Variants in IGSF3 observed in about 807,000 individuals in gnomAD.
IGSF3 encodes immunoglobulin superfamily member 3.
In IGSF3, 23 loss-of-function variants were observed where a neutral mutation model predicts 114.4. The observed-to-expected ratio is 0.20, with a 90% CI of 0.14 to 0.28. IGSF3 has a LOEUF of 0.28. Among genes scored for constraint, IGSF3 ranks in the 10% least tolerant of loss-of-function variants. The pLI, the probability that IGSF3 is intolerant of heterozygous loss-of-function variation, is 1.00. For synonymous variants in IGSF3, 571 were observed against 645.2 expected (o/e 0.88, Z 1.74); for missense variants, 1,172 against 1,591.5 (o/e 0.74, Z 4.48).
chr1:116,582,596 G>A lies in IGSF3; in HGVS notation c.2848+2049C>T, dbSNP rs1571114997. On this transcript the variant is annotated intron_variant, in intron 9 of 10. Coordinates refer to ENST00000369486, the MANE Select transcript of IGSF3 (RefSeq NM_001007237.3). This position sits in a 1 kb window ranked among gnomAD's most constrained non-coding sequence, Gnocchi z 4.7. ...TTCCATGTGTTTAACGTATCCCTCC[G>A]AAAAAAATCTTTGAAGTACGTCTGC... Among the ~76,000 whole-genome samples the A allele has an allele frequency of 6.6e-6, 1 of 152,034 alleles. No individual in the cohort carries two copies. The highest frequency in any genetic ancestry group is 1.5e-5 in the Non-Finnish European group (1 of 68,014).
At chr1:116,639,172 G>A (rs1353154923) in intron 2 of IGSF3, among the ~76,000 whole-genome samples, 3 of 152,146 alleles carry the variant, frequency 2.0e-5, no homozygotes, top group Non-Finnish European at 4.4e-5. Context: ...GTCAGGGCAC[G>A]TGCAAAGCCA....
At chr1:116,641,860 T>A (rs950627950) in intron 2 of IGSF3, among the ~76,000 whole-genome samples, 4 of 152,096 alleles carry the variant, frequency 2.6e-5, no homozygotes, top group African/African-American at 7.2e-5. Context: ...TTCTTTTTTT[T>A]TTTTTTGAGA....
chr1:116,635,570 C>T (rs549405759), intron 2 of IGSF3, among the ~76,000 whole-genome samples: 10 of 152,330 alleles, frequency 6.6e-5, no homozygotes, highest in South Asian at 2.1e-4. Flanking sequence ...CCCTACAACA[C>T]GGGGCAGACA....
Position 116,642,966 on chromosome 1 carries a change from C to T in IGSF3, c.43+23318G>A, listed in dbSNP as rs537568817. 6.6e-6 allele frequency among the ~76,000 whole-genome samples: 1 copy of T among 152,220 alleles called. No homozygotes were observed. The highest frequency in any genetic ancestry group is 2.4e-5 in the African/African-American group (1 of 41,456). On this transcript the variant is annotated intron_variant, in intron 2 of 10. Coordinates refer to ENST00000369486, the MANE Select transcript of IGSF3 (RefSeq NM_001007237.3). This position sits in a 1 kb window ranked among gnomAD's most constrained non-coding sequence, Gnocchi z 5.4. ...CACTTGCAATACTCACTCCCCTCAC[C>T]TCTGCCCCTAAAGCAATTATTCATT...
rs1482597386 is a variant in IGSF3, at chr1:116,650,264, T to C, written c.43+16020A>G. On this transcript the variant is annotated intron_variant, in intron 2 of 10. Transcript: ENST00000369486. This position sits in a 1 kb window ranked among gnomAD's most constrained non-coding sequence, Gnocchi z 5.0. ...ATTGGACTGTTCAGTCTTCAGGGGC[T>C]TGGCCCTCAGGGTTTTTCCCATCTC... Among the ~76,000 whole-genome samples, 1 of 152,232 alleles carries C rather than the reference T, an allele frequency of 6.6e-6. No homozygotes were observed. Among genetic ancestry groups the C allele is most frequent in the African/African-American group, 2.4e-5 (1 of 41,468 alleles).
In IGSF3 at chr1:116,636,310, C is replaced by G. The variant is rs1333728979; in HGVS notation, c.44-19853G>C. On this transcript the variant is annotated intron_variant, in intron 2 of 10. Coordinates refer to ENST00000369486, the MANE Select transcript of IGSF3 (RefSeq NM_001007237.3). The surrounding 1 kb of genome is among the most constrained non-coding windows in gnomAD (Gnocchi z 4.5). ...GCACTCTGAGTTGGCCCTATCTCCC[C>G]TTTTTGGCCTCAAGCACATCACGAG... is the stretch of plus-strand genomic sequence containing the variant. Among the ~76,000 whole-genome samples, 2 of 152,176 alleles carry G rather than the reference C, an allele frequency of 1.3e-5. No homozygotes were observed. The highest frequency in any genetic ancestry group is 1.3e-4 in the Admixed American group (2 of 15,280).
chr1:116,637,757 C>A (rs1431050070), intron 2 of IGSF3, among the ~76,000 whole-genome samples: 1 of 152,238 alleles, frequency 6.6e-6, no homozygotes, highest in Non-Finnish European at 1.5e-5. Context: ...CTCATCCAGA[C>A]TGTTTTTTAT....
At chr1:116,602,934 C>T (rs200167990) in intron 6 of IGSF3, among the ~76,000 whole-genome samples, 2 of 152,184 alleles carry the variant, frequency 1.3e-5, no homozygotes, top group South Asian at 2.1e-4. Context: ...TTTCATTCCA[C>T]GCTAATGAGG....
chr1:116,625,235 A>C lies in IGSF3; in HGVS notation c.44-8778T>G, dbSNP rs1192458386. Among the ~76,000 whole-genome samples the C allele has an allele frequency of 6.6e-6, 1 of 152,252 alleles. No homozygotes were observed. The highest frequency in any genetic ancestry group is 1.5e-5 in the Non-Finnish European group (1 of 68,044). ...GTTGTCCTAAGCTGACAATCCTAAA[A>C]TAAATACACATAACTAATCATTTTA... On this transcript the variant is annotated intron_variant, in intron 2 of 10. Transcript: ENST00000369486. This position sits in a 1 kb window ranked among gnomAD's most constrained non-coding sequence, Gnocchi z 4.7.
At position 116,575,805 on chromosome 1, in the gene IGSF3, G is replaced by A. The variant is rs1223752111; in HGVS notation, c.*1507C>T. ...GACAAGCAGCACCTGGCCCAACAGT[G>A]TAAAAGAACAGGGTGACACCAGCCA... is the stretch of plus-strand genomic sequence containing the variant. On this transcript the variant is annotated 3_prime_UTR_variant, in exon 11 of 11. Coordinates refer to ENST00000369486, the MANE Select transcript of IGSF3 (RefSeq NM_001007237.3). This position sits in a 1 kb window ranked among gnomAD's most constrained non-coding sequence, Gnocchi z 5.6. The A allele has an allele frequency of 1.3e-5, 2 of 152,274 alleles. No individual in the cohort carries two copies. Among genetic ancestry groups the A allele is most frequent in the Admixed American group, 1.3e-4 (2 of 15,282 alleles). 9.4% of individuals were successfully genotyped at this position (152,274 alleles called of 1,614,324 possible).
At chr1:116,604,055 A>T (rs768210265) in intron 5 of IGSF3, 30 bp from the exon 6 acceptor site, 66 of 1,541,106 alleles carry the variant, frequency 4.3e-5, no homozygotes, top group Non-Finnish European at 5.6e-5. Context: ...AACACCCTGG[A>T]GGCTTTATGG....
rs1482865373 is a variant in IGSF3, at chr1:116,610,812, CCT to C, written c.833-2483_833-2482del. ...AGGCTCGGTCTCTGAGCCCCAGACC[CCT>C]GTGTCTGAGGACCCACTGGGTGTTT... On this transcript the variant is annotated intron_variant, in intron 4 of 10. Coordinates refer to ENST00000369486, the MANE Select transcript of IGSF3 (RefSeq NM_001007237.3). This position sits in a 1 kb window ranked among gnomAD's most constrained non-coding sequence, Gnocchi z 4.3. 6.6e-6 allele frequency among the ~76,000 whole-genome samples: 1 copy of C among 152,214 alleles called. No homozygotes were observed. Among genetic ancestry groups the C allele is most frequent in the African/African-American group, 2.4e-5 (1 of 41,438 alleles).
intron 2 of IGSF3, among the ~76,000 whole-genome samples, chr1:116,631,317 CAAAAAAAAAAAAA>C (rs939848949): frequency 8.7e-5 from 4 of 46,092 alleles, no homozygotes; most frequent in African/African-American, 1.9e-4. Context: ...GACGCTGTCT[CAAAAAAAAAAAAA>C]AAAAAAAAAA....
rs1648889633 is a variant in IGSF3 at position 116,657,067 on chromosome 1, A to G, written c.43+9217T>C. Among the ~76,000 whole-genome samples, 1 of 152,214 alleles carries G rather than the reference A, an allele frequency of 6.6e-6. No homozygotes were observed. The highest frequency in any genetic ancestry group is 1.5e-5 in the Non-Finnish European group (1 of 68,046). ...ATTTTGTCTGCTGTTCTAAATCATG[A>G]CTTACTTCAAATCAAATCTTAAGTG... On this transcript the variant is annotated intron_variant, in intron 2 of 10. Coordinates refer to ENST00000369486, the MANE Select transcript of IGSF3 (RefSeq NM_001007237.3). This position sits in a 1 kb window ranked among gnomAD's most constrained non-coding sequence, Gnocchi z 4.2.
chr1:116,581,981 T>C (rs1236487155), intron 9 of IGSF3, among the ~76,000 whole-genome samples: 1 of 152,168 alleles, frequency 6.6e-6, no homozygotes, highest in East Asian at 1.9e-4. Flanking sequence ...GAACTTATCA[T>C]GGCCAGGGGC....
chr1:116,580,854 G>C (rs1020476399), intron 9 of IGSF3, among the ~76,000 whole-genome samples: 2 of 152,230 alleles, frequency 1.3e-5, no homozygotes, highest in African/African-American at 4.8e-5. Flanking sequence ...CACAACCAGG[G>C]AATGTCTGTG....
At chr1:116,646,223 C>T (rs556999370) in intron 2 of IGSF3, among the ~76,000 whole-genome samples, 4 of 152,312 alleles carry the variant, frequency 2.6e-5, no homozygotes, top group East Asian at 1.9e-4. Flanking sequence ...CTCTGTGACA[C>T]GGAACACAAG....
At position 116,577,445 on chromosome 1, in the gene IGSF3, C is replaced by T; in HGVS notation, c.3452G>A (p.Ser1151Asn). ...IITILLVRFK[S>N]RNSSKNSDGK... ...ATCAGAGTTCTTGCTGGAGTTCCGGCTCTTGAAACGCACCAGAAGGATGGT... is the reference window on the plus strand; with the variant it reads ...ATCAGAGTTCTTGCTGGAGTTCCGGTTCTTGAAACGCACCAGAAGGATGGT... Residue 1151 changes from serine to asparagine, a missense_variant, in exon 11 of 11, where the codon AGC (serine) becomes AAC (asparagine). By Grantham distance (46) the Ser-to-Asn change is conservative. Transcript: ENST00000369486. The surrounding 1 kb of genome is among the most constrained non-coding windows in gnomAD (Gnocchi z 5.7). The T allele has an allele frequency of 6.2e-7, 1 of 1,614,156 alleles. No individual in the cohort carries two copies. Among genetic ancestry groups the T allele is most frequent in the Non-Finnish European group, 8.5e-7 (1 of 1,180,030 alleles).
At chr1:116,622,374 A>T (rs1661451918) in intron 2 of IGSF3, among the ~76,000 whole-genome samples, 1 of 152,236 alleles carries the variant, frequency 6.6e-6, no homozygotes, top group Non-Finnish European at 1.5e-5. Context: ...ATCAATATAT[A>T]AACAGGATAA....
Sources: allele counts gnomAD v4.1 joint callset (sites outside exome capture counted in the v4.1 genomes callset), GRCh38; gene constraint gnomAD v4.1.1; non-coding constraint Gnocchi (gnomAD v3.1); transcripts MANE v1.5; gene names NCBI Gene and HGNC (gene_info 2026-07-23, HGNC 2026-07-21).